The following PALD1 variants were observed in gnomAD, a reference collection of about 807,000 sequenced individuals.
PALD1 encodes phosphatase domain containing paladin 1, also known as paladin.
PALD1 carries 57 observed loss-of-function variants against 96.0 expected under a neutral mutation model. The ratio of observed to expected loss-of-function variants is 0.59; its 90% CI spans 0.48 to 0.74. The LOEUF is 0.74. Ranked by LOEUF, PALD1 falls within the 30% of genes least tolerant of loss-of-function variation. The probability of loss-of-function intolerance (pLI) is 0.00; values close to 1 mark genes in which losing one functional copy is unlikely to be tolerated. For synonymous variants in PALD1, 464 were observed against 473.6 expected, an observed-to-expected ratio of 0.98 and a Z score of 0.26; for missense variants, 1,063 against 1,143.7, an observed-to-expected ratio of 0.93 and a Z score of 1.02.
chr10:70,518,091 T>TG (rs1401481123), intron 1 of PALD1, among the ~76,000 whole-genome samples: 3 of 152,024 alleles, frequency 2.0e-5, no homozygotes, highest in African/African-American at 7.2e-5. Context: ...TTAGTAGAGA[T>TG]GGGGTTTCTC....
chr10:70,510,628 G>A (rs1295975789), intron 1 of PALD1, among the ~76,000 whole-genome samples: 1 of 152,114 alleles, frequency 6.6e-6, no homozygotes, highest in East Asian at 1.9e-4. Flanking sequence ...CTTCCTGAAA[G>A]AACCAACAGG....
At chr10:70,476,694 G>C (rs1044469170), upstream of PALD1, among the ~76,000 whole-genome samples, 1 of 152,078 alleles carries the variant, frequency 6.6e-6, no homozygotes, top group African/African-American at 2.4e-5. Context: ...TTTTCTGCTT[G>C]GTTCAACAAG....
At chr10:70,513,261 G>A (rs943093468) in intron 1 of PALD1, among the ~76,000 whole-genome samples, 23 of 152,248 alleles carry the variant, frequency 1.5e-4, no homozygotes, top group African/African-American at 5.3e-4. Flanking sequence ...TTGGGAGGCC[G>A]AGGTGGGTGC....
chr10:70,492,284 C>T (rs534714896), intron 1 of PALD1, among the ~76,000 whole-genome samples: 74 of 152,132 alleles, frequency 4.9e-4, no homozygotes, highest in African/African-American at 1.6e-3. Context: ...GCTTTTTCAA[C>T]TTTACAATGG....
the PALD1 span, among the ~76,000 whole-genome samples, chr10:70,469,466 C>A: frequency 6.6e-6 from 1 of 152,182 alleles, no homozygotes; most frequent in Admixed American, 6.5e-5. Context: ...GCCAGCGGAG[C>A]TCCGGCGGCT....
chr10:70,566,186 C>A (rs745461271), intron 19 of PALD1, among the ~76,000 whole-genome samples: 2 of 152,112 alleles, frequency 1.3e-5, no homozygotes, highest in Non-Finnish European at 2.9e-5. Context: ...TCCAGCTAGC[C>A]CACCTGGGGC....
chr10:70,564,913 C>T (rs1417155054), intron 19 of PALD1, among the ~76,000 whole-genome samples: 1 of 152,214 alleles, frequency 6.6e-6, no homozygotes, highest in East Asian at 1.9e-4. Context: ...CTCACCTGTG[C>T]TCCGCGAGGG....
chr10:70,486,995 G>A (rs1176001353), intron 1 of PALD1, among the ~76,000 whole-genome samples: 1 of 152,080 alleles, frequency 6.6e-6, no homozygotes, highest in Non-Finnish European at 1.5e-5. Flanking sequence ...CCCTAGAGAC[G>A]AGCCCCAGAG....
At position 70,566,571 on chromosome 10, in the gene PALD1, C is replaced by T. The variant is rs369164451; in HGVS notation, c.2419-10C>T. On this transcript the variant is annotated splice_polypyrimidine_tract_variant and intron_variant, in intron 19 of 19. Transcript: ENST00000263563. Reference sequence around the variant, plus strand: ...CTGAAACACTGCTCCTGCCTCTGCTCTCCTCCCAGGTGGCATCGAAGGCTG... The same window carrying T: ...CTGAAACACTGCTCCTGCCTCTGCTTTCCTCCCAGGTGGCATCGAAGGCTG... The T allele has an allele frequency of 2.2e-5, 36 of 1,601,586 alleles. 1 individual carries two copies. Among genetic ancestry groups the T allele is most frequent in the East Asian group, 1.4e-4 (6 of 44,370 alleles).
intron 1 of PALD1, among the ~76,000 whole-genome samples, chr10:70,484,519 C>T (rs1342534587): frequency 1.3e-5 from 2 of 151,684 alleles, no homozygotes; most frequent in African/African-American, 4.8e-5. Flanking sequence ...ATGTAACTGC[C>T]CATTCTTTTA....
At position 70,532,797 on chromosome 10, in the gene PALD1, C is replaced by T; in HGVS notation, c.794+16C>T. 1 of 1,612,592 alleles carries T rather than the reference C, an allele frequency of 6.2e-7. No individual in the cohort carries two copies. Reference sequence around the variant, plus strand: ...CCACCTACAGGTACCACAGGGCCACCCCCAGCCCTGGCCATGGGTGCTCCA... The same window carrying T: ...CCACCTACAGGTACCACAGGGCCACTCCCAGCCCTGGCCATGGGTGCTCCA... On this transcript the variant is annotated intron_variant, in intron 6 of 19. Transcript: ENST00000263563.
At chr10:70,556,279 CCTCT>C (rs112574716) in intron 18 of PALD1, among the ~76,000 whole-genome samples, 1,589 of 128,666 alleles carry the variant, frequency 0.012, 30 homozygotes, top group African/African-American at 0.041. Context: ...GTAGCCGAGA[CCTCT>C]CTCTCTCTCT....
intron 18 of PALD1, among the ~76,000 whole-genome samples, chr10:70,558,306 G>C (rs1847657062): frequency 6.6e-6 from 1 of 152,092 alleles, no homozygotes; most frequent in Admixed American, 6.5e-5. Context: ...ACCATGGCAG[G>C]TCATTTCACC....
Position 70,546,615 on chromosome 10 carries a change from C to T in PALD1, c.2122-691C>T, listed in dbSNP as rs183093711. Among the ~76,000 whole-genome samples, 8 of 152,316 alleles carry T rather than the reference C, an allele frequency of 5.3e-5. No individual in the cohort carries two copies. The East Asian group carries it at 1.5e-3, about 29-fold the overall frequency. On this transcript the variant is annotated intron_variant, in intron 17 of 19. Coordinates refer to ENST00000263563, the MANE Select transcript of PALD1 (RefSeq NM_014431.3). ...TGGGGCTTATGCCACAGTTTATCAA[C>T]ACTTGAAAATACTGGTACTTAATAT...
intron 1 of PALD1, among the ~76,000 whole-genome samples, chr10:70,507,286 C>T (rs1318249848): frequency 6.6e-6 from 1 of 150,972 alleles, no homozygotes; most frequent in African/African-American, 2.4e-5. Context: ...GTGGCGGGTG[C>T]CTATAATCCC....
At chr10:70,458,653 G>T in the PALD1 span, among the ~76,000 whole-genome samples, 2 of 152,266 alleles carry the variant, frequency 1.3e-5, no homozygotes, top group African/African-American at 4.8e-5. Flanking sequence ...CGGTCCCGCC[G>T]CCGGGGCCGG....
At chr10:70,493,518 T>A (rs571251693) in intron 1 of PALD1, among the ~76,000 whole-genome samples, 17 of 152,290 alleles carry the variant, frequency 1.1e-4, no homozygotes, top group Admixed American at 9.8e-4. Context: ...GACCAGTTCC[T>A]CTTTTGGGAT....
chr10:70,564,419 A>G lies in PALD1; in HGVS notation c.2318A>G (p.Gln773Arg). The G allele has an allele frequency of 6.2e-7, 1 of 1,614,120 alleles. No individual in the cohort carries two copies. Among genetic ancestry groups the G allele is most frequent in the Non-Finnish European group, 8.5e-7 (1 of 1,179,974 alleles). ...CGGAGGCTGCAGCTGCGGAGCCTGC[A>G]GTACTTGGAGCGCTATGTCTGCCTG... ...EMRRLQLRSL[Q>R]YLERYVCLIL... The change falls in exon 19 of 20, where the codon CAG (glutamine) becomes CGG (arginine). Residue 773 changes from glutamine to arginine, a missense_variant. By Grantham distance (43) the Gln-to-Arg change is conservative. Transcript: ENST00000263563.
At chr10:70,557,271 G>A (rs1847629771) in intron 18 of PALD1, among the ~76,000 whole-genome samples, 2 of 152,148 alleles carry the variant, frequency 1.3e-5, no homozygotes, top group African/African-American at 4.8e-5. Flanking sequence ...CCAGTCTGGG[G>A]CCCATGGCAG....
Sources: allele counts gnomAD v4.1 joint callset (sites outside exome capture counted in the v4.1 genomes callset), GRCh38; gene constraint gnomAD v4.1.1; transcripts MANE v1.5; gene names NCBI Gene and HGNC (gene_info 2026-07-23, HGNC 2026-07-21).